The following PCDH15 variants were observed in gnomAD, a reference collection of about 807,000 sequenced individuals.
PCDH15 encodes protocadherin related 15.
PCDH15 carries 129 observed loss-of-function variants against 178.5 expected under a neutral mutation model. That is an observed-to-expected ratio of 0.72 (90% CI 0.63 to 0.84). The LOEUF (loss-of-function observed/expected upper bound fraction) is 0.84, where lower values mean the gene tolerates loss of function less well. Ranked by LOEUF, PCDH15 falls within the 40% of genes least tolerant of loss-of-function variation. PCDH15 has a pLI of 0.00. For missense variants in PCDH15, 2,230 were observed against 2,099.9 expected, an observed-to-expected ratio of 1.06 and a Z score of -1.21; for synonymous variants, 800 against 732.0, an observed-to-expected ratio of 1.09 and a Z score of -1.50.
intron 2 of PCDH15, among the ~76,000 whole-genome samples, chr10:54,629,951 T>C (rs2093657578): frequency 1.3e-5 from 2 of 152,034 alleles, no homozygotes. Context: ...CCAATAATGT[T>C]CAAGTTGGGA....
At chr10:54,298,370 A>G (rs2059928859) in intron 8 of PCDH15, among the ~76,000 whole-genome samples, 1 of 152,194 alleles carries the variant, frequency 6.6e-6, no homozygotes, top group Admixed American at 6.5e-5. Context: ...ACCAAGAGGA[A>G]CCGGCCCAAA....
chr10:55,273,968 T>G (rs1842518083), intron 1 of PCDH15, among the ~76,000 whole-genome samples: 1 of 152,060 alleles, frequency 6.6e-6, no homozygotes, highest in South Asian at 2.1e-4. Context: ...CCATGTAAAA[T>G]TAATGCACAA....
intron 2 of PCDH15, among the ~76,000 whole-genome samples, chr10:55,447,569 G>C (rs1303562811): frequency 2.0e-5 from 3 of 151,838 alleles, no homozygotes; most frequent in Non-Finnish European, 4.4e-5. Flanking sequence ...ACAAGAAAAT[G>C]GTATCAGCAA....
intron 2 of PCDH15, among the ~76,000 whole-genome samples, chr10:55,538,215 C>T (rs1045876079): frequency 2.0e-5 from 3 of 152,042 alleles, no homozygotes; most frequent in Admixed American, 1.3e-4. Context: ...AGTCACAATG[C>T]GTTTATCAGT....
intron 2 of PCDH15, among the ~76,000 whole-genome samples, chr10:55,593,392 A>G (rs1342029554): frequency 6.6e-6 from 1 of 152,008 alleles, no homozygotes; most frequent in Non-Finnish European, 1.5e-5. Context: ...AACATGTATA[A>G]TTTATGTATC....
chr10:55,226,723 A>C (rs1307811043), intron 1 of PCDH15, among the ~76,000 whole-genome samples: 1 of 152,228 alleles, frequency 6.6e-6, no homozygotes, highest in East Asian at 1.9e-4. Flanking sequence ...AAAATAAGAA[A>C]GACCTTTTAG....
chr10:54,486,328 A>G (rs577007380), intron 3 of PCDH15: 12 of 152,046 alleles, frequency 7.9e-5, no homozygotes, highest in Non-Finnish European at 1.5e-4. Flanking sequence ...TAAGATTTAG[A>G]ACTAAGCATA....
At chr10:54,965,867 T>C (rs910834388) in intron 2 of PCDH15, among the ~76,000 whole-genome samples, 7 of 149,982 alleles carry the variant, frequency 4.7e-5, no homozygotes, top group African/African-American at 1.7e-4. Context: ...TAATATCACA[T>C]AGATACCCAC....
At chr10:53,956,049 T>C (rs2087581222) in intron 23 of PCDH15, among the ~76,000 whole-genome samples, 1 of 152,170 alleles carries the variant, frequency 6.6e-6, no homozygotes, top group South Asian at 2.1e-4. Flanking sequence ...TTTCCATATA[T>C]TCATATTTTG....
chr10:54,005,701 T>C (rs2092361496), intron 20 of PCDH15, among the ~76,000 whole-genome samples: 1 of 151,996 alleles, frequency 6.6e-6, no homozygotes, highest in Non-Finnish European at 1.5e-5. Context: ...CCTCACACAC[T>C]GATGGTGGGA....
intron 3 of PCDH15, among the ~76,000 whole-genome samples, chr10:54,816,725 C>A (rs1205904570): frequency 6.6e-6 from 1 of 151,960 alleles, no homozygotes; most frequent in African/African-American, 2.4e-5. Context: ...CTGCTGTAGG[C>A]CCAATGCTAC....
chr10:54,235,510 G>C (rs547700940), intron 9 of PCDH15, among the ~76,000 whole-genome samples: 1 of 152,170 alleles, frequency 6.6e-6, no homozygotes, highest in South Asian at 2.1e-4. Context: ...ATAGATAATT[G>C]TCTCTCTTTT....
intron 5 of PCDH15, among the ~76,000 whole-genome samples, chr10:54,351,232 G>GCT (rs1362011840): frequency 6.6e-6 from 1 of 152,004 alleles, no homozygotes; most frequent in African/African-American, 2.4e-5. Context: ...ACTCTTTAAT[G>GCT]CTATATCTCA....
At chr10:55,208,260 T>G (rs1422723658) in intron 1 of PCDH15, among the ~76,000 whole-genome samples, 5 of 152,120 alleles carry the variant, frequency 3.3e-5, no homozygotes, top group Admixed American at 1.3e-4. Context: ...TCCATACAAG[T>G]GTTCTGCTTA....
intron 18 of PCDH15, among the ~76,000 whole-genome samples, chr10:54,055,848 T>C (rs753853255): frequency 8.5e-5 from 13 of 152,240 alleles, no homozygotes; most frequent in Non-Finnish European, 1.8e-4. Context: ...AAATAGATCT[T>C]TATCTTCTCA....
At position 54,461,574 on chromosome 10, in the gene PCDH15, TCAA is replaced by T. The variant is rs375270555; in HGVS notation, c.157+66235_157+66237del. On this transcript the variant is annotated intron_variant, in intron 3 of 37. Transcript: ENST00000644397. The stretch of plus-strand genomic sequence containing the variant: ...TAAGCATATATAGCAACACATGTTG[TCAA>T]CAACAACAACTGCTTAGATATTAAA... Among the ~76,000 whole-genome samples the T allele has an allele frequency of 2.6e-4, 39 of 152,264 alleles. No homozygotes were observed. In the South Asian group the frequency reaches 3.9e-3, roughly 15 times the overall value.
rs147300623 is a variant in PCDH15 at position 55,575,229 on chromosome 10, T to C, written c.-156+52396A>G. ...GTCACATTGGTCCAAATTTGACATT[T>C]CCAGAATACTTCCAGTTTTTGGTTA... is the stretch of plus-strand genomic sequence containing the variant. On this transcript the variant is annotated intron_variant, in intron 2 of 5. Transcript: ENST00000613346. Among the ~76,000 whole-genome samples, 552 of 152,192 alleles carry C rather than the reference T, an allele frequency of 3.6e-3. 3 individuals are homozygous for C. Among genetic ancestry groups the C allele is most frequent in the African/African-American group, 0.013 (532 of 41,550 alleles).
At chr10:54,253,462 G>C (rs2056660166) in intron 8 of PCDH15, among the ~76,000 whole-genome samples, 1 of 152,012 alleles carries the variant, frequency 6.6e-6, no homozygotes, top group Non-Finnish European at 1.5e-5. Context: ...ACAACAGTGA[G>C]TTATATATTT....
chr10:55,471,571 G>C (rs1021093512), intron 2 of PCDH15, among the ~76,000 whole-genome samples: 1 of 152,026 alleles, frequency 6.6e-6, no homozygotes, highest in African/African-American at 2.4e-5. Flanking sequence ...TACTGCCATG[G>C]CCTGATGAAA....
Sources: allele counts gnomAD v4.1 joint callset (sites outside exome capture counted in the v4.1 genomes callset), GRCh38; gene constraint gnomAD v4.1.1; transcripts MANE v1.5; gene names NCBI Gene and HGNC (gene_info 2026-07-23, HGNC 2026-07-21).